Variants in HERC1 observed in about 807,000 individuals in gnomAD.
The protein encoded by HERC1 is HECT and RLD domain containing E3 ubiquitin protein ligase family member 1, also known as probable E3 ubiquitin-protein ligase HERC1.
HERC1 carries 160 observed loss-of-function variants against 554.3 expected under a neutral mutation model. The observed-to-expected ratio is 0.29, with a 90% CI of 0.25 to 0.33. HERC1 has a LOEUF of 0.33. Among genes scored for constraint, HERC1 ranks in the 10% least tolerant of loss-of-function variants. The probability of loss-of-function intolerance (pLI) is 1.00; values close to 1 mark genes in which losing one functional copy is unlikely to be tolerated. For missense variants in HERC1, 4,919 were observed against 5,918.5 expected (o/e 0.83, Z 5.54); for synonymous variants, 2,175 against 2,131.7 (o/e 1.02, Z -0.56).
chr15:63,625,845 G>A (rs2068279946), intron 71 of HERC1, 140 bp downstream of exon 71: 1 of 842,360 alleles, frequency 1.2e-6, no homozygotes, highest in Non-Finnish European at 2.0e-6. Context: ...GCAATAAAAT[G>A]GGAATAGAAG....
intron 25 of HERC1, among the ~76,000 whole-genome samples, chr15:63,706,472 G>A (rs1360148959): frequency 1.3e-5 from 2 of 152,110 alleles, no homozygotes; most frequent in African/African-American, 4.8e-5. Flanking sequence ...ATAATGGAAT[G>A]TACTGTTTTT....
chr15:63,656,736 T>C (rs915082316), intron 48 of HERC1, among the ~76,000 whole-genome samples: 22 of 152,200 alleles, frequency 1.4e-4, no homozygotes, highest in African/African-American at 5.1e-4. Flanking sequence ...CTCTCAGAAG[T>C]AACCACTATC....
intron 76 of HERC1, among the ~76,000 whole-genome samples, chr15:63,614,641 C>G (rs929348342): frequency 7.9e-5 from 12 of 152,302 alleles, no homozygotes; most frequent in African/African-American, 2.9e-4. Context: ...CTGAGTCCAG[C>G]TCTTGAGAAG....
chr15:63,817,334 T>C (rs920778995), intron 1 of HERC1, among the ~76,000 whole-genome samples: 4 of 152,168 alleles, frequency 2.6e-5, no homozygotes, highest in Non-Finnish European at 5.9e-5. Flanking sequence ...GGTTATGCTA[T>C]AAAAAGAGAT....
intron 8 of HERC1, among the ~76,000 whole-genome samples, chr15:63,750,724 GA>G (rs2075209903): frequency 6.6e-6 from 1 of 152,114 alleles, no homozygotes; most frequent in Admixed American, 6.6e-5. Context: ...CCAAGCTCAG[GA>G]GTTCAATACC....
At chr15:63,632,478 T>C in intron 68 of HERC1, 4 of 585,092 alleles carry the variant, frequency 6.8e-6, no homozygotes, top group African/African-American at 1.9e-5. Context: ...GGGACTCTTC[T>C]AGCAAGAGTG....
intron 45 of HERC1, among the ~76,000 whole-genome samples, 196 bp downstream of exon 45, chr15:63,661,557 A>C (rs2070360073): frequency 6.6e-6 from 1 of 152,226 alleles, no homozygotes; most frequent in Non-Finnish European, 1.5e-5. Context: ...ACTCCAGGGA[A>C]GGATATGTTG....
At chr15:63,638,091 A>G (rs1595870904) in intron 63 of HERC1, among the ~76,000 whole-genome samples, 1 of 152,180 alleles carries the variant, frequency 6.6e-6, no homozygotes, top group African/African-American at 2.4e-5. Context: ...CTGGCTAAAG[A>G]TCCTAGGAAG....
chr15:63,698,542 C>T (rs955421757), intron 26 of HERC1, among the ~76,000 whole-genome samples, 186 bp downstream of exon 26: 5 of 151,800 alleles, frequency 3.3e-5, no homozygotes, highest in African/African-American at 1.2e-4. Flanking sequence ...TTAAAATGCA[C>T]TTTTGTCTAG....
chr15:63,646,643 TACA>T (rs2069358946), intron 55 of HERC1, among the ~76,000 whole-genome samples: 1 of 142,542 alleles, frequency 7.0e-6, no homozygotes, highest in African/African-American at 2.6e-5. Flanking sequence ...CTAGTAAAAA[TACA>T]AAAAAAAAAA....
At chr15:63,621,888 C>T (rs1359712212) in intron 74 of HERC1, among the ~76,000 whole-genome samples, 22 of 151,912 alleles carry the variant, frequency 1.4e-4, no homozygotes, top group Non-Finnish European at 2.2e-4. Flanking sequence ...GTTAGCCATT[C>T]GTCTAATTTT....
At chr15:63,666,556 A>G (rs985854394) in intron 40 of HERC1, 84 bp from the exon 41 acceptor site, 4 of 868,104 alleles carry the variant, frequency 4.6e-6, no homozygotes, top group Non-Finnish European at 7.3e-6. Flanking sequence ...TCAATTTCCT[A>G]GTATTGTCCA....
intron 1 of HERC1, among the ~76,000 whole-genome samples, chr15:63,826,039 CA>C (rs2077890574): frequency 6.6e-6 from 1 of 152,138 alleles, no homozygotes. Flanking sequence ...CTGGAACTAA[CA>C]GGTGTGAGCC....
At chr15:63,673,950 C>T (rs2071066556) in intron 38 of HERC1, among the ~76,000 whole-genome samples, 1 of 152,196 alleles carries the variant, frequency 6.6e-6, no homozygotes, top group African/African-American at 2.4e-5. Flanking sequence ...GTCTAGAACT[C>T]CTGGCCTCAA....
rs71131176 is a variant in HERC1, at chr15:63,707,928, C to CAAAAAAAAAA, written c.4585-1107_4585-1098dup. ...CGGATGACAGAGCAAGACTCCCTCT[C>CAAAAAAAAAA]AAAAAAAAAAAAAAAAAAAAAAAAA... On this transcript the variant is annotated intron_variant, in intron 24 of 77. Coordinates refer to ENST00000443617, the MANE Select transcript of HERC1 (RefSeq NM_003922.4). Among the ~76,000 whole-genome samples the CAAAAAAAAAA allele has an allele frequency of 5.4e-4, 30 of 55,204 alleles. 1 individual carries two copies. The highest frequency in any genetic ancestry group is 1.7e-3 in the African/African-American group (27 of 16,002). 36.2% of individuals were successfully genotyped at this position (55,204 alleles called of 152,430 possible). A position where few individuals can be genotyped will look rare whatever the true frequency, so the allele number is the denominator to read the frequency against.
intron 1 of HERC1, among the ~76,000 whole-genome samples, chr15:63,794,206 A>G (rs2076741310): frequency 6.6e-6 from 1 of 152,128 alleles, no homozygotes; most frequent in Non-Finnish European, 1.5e-5. Flanking sequence ...TGTTCTGTCT[A>G]TGGAGTAGCC....
intron 18 of HERC1, among the ~76,000 whole-genome samples, chr15:63,723,767 C>A (rs954758335): frequency 6.6e-6 from 1 of 152,048 alleles, no homozygotes; most frequent in Non-Finnish European, 1.5e-5. Flanking sequence ...GAAAATGCGA[C>A]TAGACCTTTT....
rs2067646227 is a variant in HERC1 at position 63,612,571 on chromosome 15, G to A, written c.14095-15C>T. 1.9e-6 allele frequency: 3 copies of A among 1,607,304 alleles called. No homozygotes were observed. In the South Asian group the frequency reaches 3.3e-5, roughly 18 times the overall value. ...ACTGCAGCCACCTGCTCCCGGGAGA[G>A]GTTGCTCATTCAATGAGTGTGCGTG... On this transcript the variant is annotated splice_polypyrimidine_tract_variant and intron_variant, in intron 76 of 77. Transcript: ENST00000443617. The surrounding 1 kb of genome is among the most constrained non-coding windows in gnomAD (Gnocchi z 5.0).
At chr15:63,610,634 T>C (rs957479395) in intron 77 of HERC1, among the ~76,000 whole-genome samples, 1 of 152,252 alleles carries the variant, frequency 6.6e-6, no homozygotes, top group Non-Finnish European at 1.5e-5. Context: ...TAATCCTTCC[T>C]GCACGTGGCT....
Sources: gnomAD v4.1 joint callset for allele counts (sites outside exome capture counted in the v4.1 genomes callset) on GRCh38, gnomAD v4.1.1 for gene constraint, Gnocchi (gnomAD v3.1) non-coding constraint, MANE v1.5 for transcripts, NCBI Gene and HGNC (gene_info 2026-07-23, HGNC 2026-07-21) for gene names.